EXOC4: variants seen among roughly 807,000 people sequenced by gnomAD.
EXOC4 encodes SEC8-like 1.
A neutral mutation model predicts 107.2 loss-of-function variants in EXOC4; 71 were observed. That is an observed-to-expected ratio of 0.66 (90% CI 0.55 to 0.81). The LOEUF (loss-of-function observed/expected upper bound fraction) is 0.81. EXOC4 is among the 30% of genes least tolerant of loss of function. The pLI is 0.00. For synonymous variants in EXOC4, 456 were observed against 441.2 expected, an observed-to-expected ratio of 1.03 and a Z score of -0.42; for missense variants, 1,108 against 1,189.6, an observed-to-expected ratio of 0.93 and a Z score of 1.01.
rs182365389 is a variant in EXOC4 at position 133,604,513 on chromosome 7, A to G, written c.1418-25532A>G. ...AATTTTTCTGCTCCATTAGAATGTT[A>G]CAGGACCATCATGGTATATGCTGTC... On this transcript the variant is annotated intron_variant, in intron 9 of 17. Transcript: ENST00000253861. Among the ~76,000 whole-genome samples the G allele has an allele frequency of 1.6e-3, 249 of 152,184 alleles. 1 individual carries two copies. The highest frequency in any genetic ancestry group is 5.7e-3 in the African/African-American group (237 of 41,528).
intron 10 of EXOC4, among the ~76,000 whole-genome samples, chr7:133,753,187 A>G (rs889883892): frequency 5.9e-5 from 9 of 152,242 alleles, no homozygotes; most frequent in African/African-American, 2.2e-4. Flanking sequence ...GCTTAAATGT[A>G]TAAATATAGA....
chr7:134,010,397 A>G (rs1020120402), intron 17 of EXOC4: 3 of 152,118 alleles, frequency 2.0e-5, no homozygotes, highest in Non-Finnish European at 4.4e-5. Context: ...CGTTCTTTGT[A>G]AAACAGAAAC....
At chr7:133,875,735 G>A (rs944013804) in intron 11 of EXOC4, among the ~76,000 whole-genome samples, 4 of 152,068 alleles carry the variant, frequency 2.6e-5, no homozygotes, top group African/African-American at 9.7e-5. Flanking sequence ...ACAGCTTCCT[G>A]TAAACCTAGC....
At chr7:133,377,720 C>T (rs1796520534) in intron 7 of EXOC4, among the ~76,000 whole-genome samples, 1 of 152,072 alleles carries the variant, frequency 6.6e-6, no homozygotes, top group African/African-American at 2.4e-5. Flanking sequence ...AAAATCAACA[C>T]ATACGCACAT....
intron 11 of EXOC4, among the ~76,000 whole-genome samples, chr7:133,868,230 A>T (rs1378129646): frequency 6.6e-6 from 1 of 152,170 alleles, no homozygotes; most frequent in Admixed American, 6.6e-5. Context: ...CAAAACCTCC[A>T]ATGTCAGTAT....
chr7:133,908,575 A>G (rs1799620424), intron 12 of EXOC4, among the ~76,000 whole-genome samples: 1 of 152,240 alleles, frequency 6.6e-6, no homozygotes, highest in Admixed American at 6.5e-5. Flanking sequence ...ACCACCATCC[A>G]GTTCCCAGCC....
chr7:133,603,916 AAC>A (rs1801870201), intron 9 of EXOC4, among the ~76,000 whole-genome samples: 1 of 152,216 alleles, frequency 6.6e-6, no homozygotes, highest in Non-Finnish European at 1.5e-5. Context: ...CTCTTGTAAT[AAC>A]ACAGCTTAAA....
rs145222513 is a variant in EXOC4 at position 134,034,089 on chromosome 7, C to T, written c.2687+26254C>T. Among the ~76,000 whole-genome samples, 334 of 152,144 alleles carry T rather than the reference C, an allele frequency of 2.2e-3. 1 individual carries two copies. The highest frequency in any genetic ancestry group is 7.6e-3 in the African/African-American group (314 of 41,496). On this transcript the variant is annotated intron_variant, in intron 17 of 17. Coordinates refer to ENST00000253861, the MANE Select transcript of EXOC4 (RefSeq NM_021807.4). ...ACGTCGTGTCTAAAAGAGACTTGATCCAGCTCAGAACAGTGAAAAGGTAAC... is the reference window on the plus strand; with the variant it reads ...ACGTCGTGTCTAAAAGAGACTTGATTCAGCTCAGAACAGTGAAAAGGTAAC...
At chr7:133,742,333 T>G (rs1431243536) in intron 10 of EXOC4, among the ~76,000 whole-genome samples, 1 of 152,150 alleles carries the variant, frequency 6.6e-6, no homozygotes, top group Non-Finnish European at 1.5e-5. Flanking sequence ...TTCATTTATT[T>G]CTTCTTAGAG....
intron 6 of EXOC4, among the ~76,000 whole-genome samples, chr7:133,368,100 C>T (rs1270599582): frequency 1.3e-5 from 2 of 152,184 alleles, no homozygotes; most frequent in Admixed American, 6.5e-5. Flanking sequence ...GGACATTGGT[C>T]CATGTGTTGT....
chr7:133,799,586 T>G (rs1162817392), intron 10 of EXOC4, among the ~76,000 whole-genome samples: 2 of 152,124 alleles, frequency 1.3e-5, no homozygotes, highest in Admixed American at 1.3e-4. Flanking sequence ...TCTCATGAAA[T>G]CATCAAATGG....
At chr7:134,071,419 C>CTT (rs1796271674), downstream of EXOC4, among the ~76,000 whole-genome samples, 1 of 152,118 alleles carries the variant, frequency 6.6e-6, no homozygotes. Flanking sequence ...AGACTGGTGT[C>CTT]CTAAAGGACC....
chr7:134,060,870 C>T (rs1056988203), intron 17 of EXOC4, among the ~76,000 whole-genome samples: 1 of 152,106 alleles, frequency 6.6e-6, no homozygotes, highest in Admixed American at 6.6e-5. Context: ...TTCTCTCTAA[C>T]TATAGAAAAT....
intron 10 of EXOC4, among the ~76,000 whole-genome samples, chr7:133,699,334 T>C (rs2151085391): frequency 6.6e-6 from 1 of 152,258 alleles, no homozygotes; most frequent in Admixed American, 6.5e-5. Flanking sequence ...TAAGTGTATG[T>C]CTTATCAACC....
intron 9 of EXOC4, among the ~76,000 whole-genome samples, chr7:133,483,804 A>G (rs1799210971): frequency 6.6e-6 from 1 of 152,236 alleles, no homozygotes; most frequent in African/African-American, 2.4e-5. Context: ...GAAGAAAATC[A>G]TACCTGTCTT....
chr7:133,334,213 A>G (rs933611509), intron 5 of EXOC4, among the ~76,000 whole-genome samples: 1 of 152,134 alleles, frequency 6.6e-6, no homozygotes, highest in Non-Finnish European at 1.5e-5. Context: ...AGGCAATGTC[A>G]CTTTTCCATC....
chr7:133,341,227 G>T (rs1032695187), intron 5 of EXOC4, among the ~76,000 whole-genome samples: 1 of 152,136 alleles, frequency 6.6e-6, no homozygotes, highest in African/African-American at 2.4e-5. Context: ...TTGATAGGTT[G>T]TATCACTGTC....
At chr7:133,970,077 T>C (rs2346272) in intron 14 of EXOC4, among the ~76,000 whole-genome samples, 113,234 of 152,076 alleles carry the variant, frequency 0.74, 43,043 homozygotes, top group East Asian at 0.91. Flanking sequence ...AGTCTAGCTA[T>C]AGAGGCTTTG....
At chr7:133,347,631 G>A (rs1795815081) in intron 5 of EXOC4, among the ~76,000 whole-genome samples, 1 of 152,142 alleles carries the variant, frequency 6.6e-6, no homozygotes, top group South Asian at 2.1e-4. Context: ...GTCCCAGAGA[G>A]TTTTAGCTAA....
Sources: allele counts gnomAD v4.1 joint callset (sites outside exome capture counted in the v4.1 genomes callset), GRCh38; gene constraint gnomAD v4.1.1; transcripts MANE v1.5; gene names NCBI Gene and HGNC (gene_info 2026-07-23, HGNC 2026-07-21).